Variants in CNBD2 observed in about 807,000 individuals in gnomAD.
CNBD2 encodes the protein cyclic nucleotide binding domain containing 2.
A neutral mutation model predicts 63.7 loss-of-function variants in CNBD2; 64 were observed. The observed-to-expected ratio is 1.00, with a 90% CI of 0.82 to 1.24. The LOEUF (loss-of-function observed/expected upper bound fraction) is 1.24, where lower values mean the gene tolerates loss of function less well. Among genes scored for constraint, CNBD2 ranks in the 50% most tolerant of loss-of-function variants. CNBD2 has a pLI of 0.00. For missense variants in CNBD2, 691 were observed against 713.5 expected, an observed-to-expected ratio of 0.97 and a Z score of 0.36; for synonymous variants, 229 against 255.4, an observed-to-expected ratio of 0.90 and a Z score of 0.99.
In CNBD2 at chr20:36,008,442, C is replaced by A; in HGVS notation, c.1116C>A (p.Asp372Glu). The change falls in exon 9 of 12, where the codon GAC becomes GAA. Residue 372 changes from aspartate (D) to glutamate (E), a missense_variant. Physicochemically the swap from Asp to Glu is conservative, Grantham distance 45. Transcript: ENST00000373973. ...SFSRKIRTSG[D>E]TLPKMLGPKI... is the part of the protein sequence containing the mutation. The stretch of plus-strand genomic sequence containing the variant: ...GCAGGAAGATCAGAACCTCAGGAGA[C>A]ACTCTCCCCAAGATGCTGGGCCCGA... The A allele has an allele frequency of 6.2e-6, 10 of 1,613,582 alleles. No homozygotes were observed. Among genetic ancestry groups the A allele is most frequent in the Non-Finnish European group, 8.5e-6 (10 of 1,179,888 alleles).
Position 36,016,124 on chromosome 20 carries a change from G to A in CNBD2, c.1269+4867G>A, listed in dbSNP as rs909043378. On this transcript the variant is annotated intron_variant, in intron 10 of 11. Coordinates refer to ENST00000373973, the MANE Select transcript of CNBD2 (RefSeq NM_001365709.1). ...TATAACTCCTGTCTAATCATGAGACGTGATTAGAGGAAAATCATGAGACAA... is the reference window on the plus strand; with the variant it reads ...TATAACTCCTGTCTAATCATGAGACATGATTAGAGGAAAATCATGAGACAA... 7.9e-5 allele frequency among the ~76,000 whole-genome samples: 12 copies of A among 152,266 alleles called. No homozygotes were observed. In the East Asian group the frequency reaches 9.7e-4, roughly 12 times the overall value.
chr20:35,984,143 G>GGAC lies in CNBD2; in HGVS notation c.564+5_564+6insGAC. ...CACAAGGGTAGCTGTTTTGGGGTAAGCCCAGGGGAAGGACCCAGTTTCCTG... is the reference window on the plus strand; with the variant it reads ...CACAAGGGTAGCTGTTTTGGGGTAAGGACCCCAGGGGAAGGACCCAGTTTCCTG... On this transcript the variant is annotated splice_donor_region_variant and intron_variant, in intron 5 of 11. Coordinates refer to ENST00000373973, the MANE Select transcript of CNBD2 (RefSeq NM_001365709.1). 1.3e-6 allele frequency: 2 copies of GGAC among 1,591,186 alleles called. No homozygotes were observed. Among genetic ancestry groups the GGAC allele is most frequent in the South Asian group, 1.1e-5 (1 of 87,264 alleles).
In CNBD2 at chr20:36,003,254, T is replaced by C. The variant is rs1287107727; in HGVS notation, c.971-5043T>C. 2.0e-5 allele frequency among the ~76,000 whole-genome samples: 3 copies of C among 152,326 alleles called. No individual in the cohort carries two copies. The East Asian group carries it at 5.8e-4, about 29-fold the overall frequency. On this transcript the variant is annotated intron_variant, in intron 8 of 11. Transcript: ENST00000373973. ...CTAATTCCATCATATGTGTCATTTCTGAGTCAGTTTCAATCCATTGTTTCC... is the reference window on the plus strand; with the variant it reads ...CTAATTCCATCATATGTGTCATTTCCGAGTCAGTTTCAATCCATTGTTTCC...
At chr20:35,995,823 TAGTC>T (rs1789585387) in intron 8 of CNBD2, among the ~76,000 whole-genome samples, 1 of 152,224 alleles carries the variant, frequency 6.6e-6, no homozygotes, top group Non-Finnish European at 1.5e-5. Context: ...TATGGTATCT[TAGTC>T]AGTTTTCTAT....
At chr20:36,006,230 A>T (rs1236761860) in intron 8 of CNBD2, among the ~76,000 whole-genome samples, 1 of 151,808 alleles carries the variant, frequency 6.6e-6, no homozygotes, top group Non-Finnish European at 1.5e-5. Flanking sequence ...GGGTTTCACC[A>T]TGTTGGCCAG....
upstream of CNBD2, among the ~76,000 whole-genome samples, chr20:35,966,043 C>T (rs868166006): frequency 1.1e-4 from 16 of 152,300 alleles, 1 homozygote; most frequent in Middle Eastern, 3.4e-3. Context: ...CCCTTCCTGC[C>T]TATAGCCATC....
intron 11 of CNBD2, among the ~76,000 whole-genome samples, chr20:36,024,890 G>A (rs2057265138): frequency 6.7e-6 from 1 of 148,948 alleles, no homozygotes; most frequent in South Asian, 2.2e-4. Flanking sequence ...AGCCAAGGTT[G>A]CACCTTTGCA....
intron 2 of CNBD2, among the ~76,000 whole-genome samples, chr20:35,975,547 A>G (rs11907707): frequency 0.19 from 23,729 of 125,946 alleles, 1,736 homozygotes; most frequent in Middle Eastern, 0.32. Context: ...TGATCCGCCC[A>G]CCTTGGCCTC....
chr20:35,993,862 C>T lies in CNBD2; in HGVS notation c.856-1176C>T, dbSNP rs140879152. ...GCACCACCATGCCCAGCTAATTCAG[C>T]TAATCTTTTTTTTTTTTTTTTTTTT... is the stretch of plus-strand genomic sequence containing the variant. On this transcript the variant is annotated intron_variant, in intron 7 of 11. Transcript: ENST00000373973. 1.3e-3 allele frequency among the ~76,000 whole-genome samples: 186 copies of T among 145,612 alleles called. 1 individual carries two copies. Among genetic ancestry groups the T allele is most frequent in the African/African-American group, 4.2e-3 (166 of 39,278 alleles).
chr20:35,998,281 T>C (rs1472109390), intron 8 of CNBD2, among the ~76,000 whole-genome samples: 3 of 151,998 alleles, frequency 2.0e-5, no homozygotes, highest in African/African-American at 7.2e-5. Context: ...CCTCTGGTGA[T>C]CTGCCTGCCT....
rs955612683 is a variant in CNBD2, at chr20:35,996,349, T to TG, written c.970+1197_970+1198insG. On this transcript the variant is annotated intron_variant, in intron 8 of 11. Transcript: ENST00000373973. ...GGCTGCTGTGTGTGGTTTGGACACA[T>TG]CCTAGGCTGTGAATGTATGCGCACT... Among the ~76,000 whole-genome samples the TG allele has an allele frequency of 5.2e-4, 79 of 152,046 alleles. 3 individuals carry two copies. Among genetic ancestry groups the TG allele is most frequent in the Non-Finnish European group, 4.4e-5 (3 of 68,012 alleles).
At position 36,008,501 on chromosome 20, in the gene CNBD2, G is replaced by A. The variant is rs144570280; in HGVS notation, c.1148+27G>A. ...TAAGCTCAGCCCTGGGCAGATAGAC[G>A]GGTCCAGATTGTGGTTGCAAAGGGA... On this transcript the variant is annotated intron_variant, in intron 9 of 11. Transcript: ENST00000373973. 491 of 1,581,920 alleles carry A rather than the reference G, an allele frequency of 3.1e-4. 2 individuals are homozygous for A. In the African/African-American group the frequency reaches 5.9e-3, roughly 19 times the overall value.
chr20:36,003,221 C>T (rs2056940374), intron 8 of CNBD2, among the ~76,000 whole-genome samples: 6 of 152,084 alleles, frequency 3.9e-5, no homozygotes, highest in Non-Finnish European at 7.3e-5. Flanking sequence ...TTCCAATGCC[C>T]TTATGTACTA....
intron 8 of CNBD2, among the ~76,000 whole-genome samples, chr20:35,999,703 G>A (rs974906988): frequency 3.4e-5 from 5 of 148,152 alleles, no homozygotes; most frequent in African/African-American, 7.5e-5. Context: ...TTGAGACGGA[G>A]TTTTGCTCCT....
downstream of CNBD2, among the ~76,000 whole-genome samples, chr20:35,958,249 A>G (rs369759655): frequency 2.0e-4 from 30 of 152,212 alleles, no homozygotes; most frequent in African/African-American, 7.0e-4. Context: ...TGGCCAATAT[A>G]GTGAAATCCC....
chr20:35,960,797 TCTTCCCTTCTCTTCCCTTCC>T lies in CNBD2; in HGVS notation c.228+3033_228+3052del, dbSNP rs1568838725. Reference sequence around the variant, plus strand: ...CCTTCTCTTCCATTCTCTTCCCTTCTCTTCCCTTCTCTTCCCTTCCCTTCCCTTCCCTTCTCTTCCCTTCT... The same window carrying T: ...CCTTCTCTTCCATTCTCTTCCCTTCTCTTCCCTTCCCTTCTCTTCCCTTCT... On this transcript the variant is annotated intron_variant, in intron 2 of 4. Coordinates refer to the CNBD2 transcript ENST00000622112. Among the ~76,000 whole-genome samples, 149 of 124,714 alleles carry T rather than the reference TCTTCCCTTCTCTTCCCTTCC, an allele frequency of 1.2e-3. 10 individuals are homozygous for T. Among genetic ancestry groups the T allele is most frequent in the African/African-American group, 5.1e-3 (143 of 28,052 alleles). The allele number at this position is 124,714 out of a possible 152,430, so 81.8% of individuals were successfully genotyped here. A position where few individuals can be genotyped will look rare whatever the true frequency, so the allele number is the denominator to read the frequency against.
At position 35,972,643 on chromosome 20, in the gene CNBD2, C is replaced by T. The variant is rs201290625; in HGVS notation, c.66C>T (p.Leu22=). 2.2e-4 allele frequency: 350 copies of T among 1,613,996 alleles called. 2 individuals carry two copies. Among genetic ancestry groups the T allele is most frequent in the Admixed American group, 6.2e-4 (37 of 60,016 alleles). ...LLKKELGLYQ[L]AMDIIIMIRV... is the part of the protein sequence containing the mutation. ...TGTTTCCATAGGGACTGTACCAGCT[C>T]GCCATGGATATCATCATAATGATCC... The change falls in exon 2 of 12, where the codon CTC becomes CTT. Residue 22 remains leucine (L), a synonymous_variant. Coordinates refer to ENST00000373973, the MANE Select transcript of CNBD2 (RefSeq NM_001365709.1).
chr20:35,995,190 T>C (rs2056808707), intron 8 of CNBD2, 38 bp downstream of exon 8: 2 of 1,415,964 alleles, frequency 1.4e-6, no homozygotes, highest in Non-Finnish European at 2.0e-6. Flanking sequence ...AGGGGGCGCC[T>C]GGGCCTGTCC....
intron 2 of CNBD2, among the ~76,000 whole-genome samples, chr20:35,962,549 C>T (rs1166604172): frequency 2.0e-5 from 3 of 151,994 alleles, no homozygotes; most frequent in Non-Finnish European, 2.9e-5. Flanking sequence ...CGTGAGCCAC[C>T]GCGCCCGGCC....
Sources: gnomAD v4.1 joint callset for allele counts (sites outside exome capture counted in the v4.1 genomes callset) on GRCh38, gnomAD v4.1.1 for gene constraint, MANE v1.5 for transcripts, NCBI Gene and HGNC (gene_info 2026-07-23, HGNC 2026-07-21) for gene names.